ATP11C: variants seen among roughly 807,000 people sequenced by gnomAD.
The protein encoded by ATP11C is phospholipid-transporting ATPase IG.
Under a neutral mutation model 97.4 loss-of-function variants are expected in ATP11C, and 36 were observed. The ratio of observed to expected loss-of-function variants is 0.37; its 90% confidence interval spans 0.28 to 0.49. ATP11C has a LOEUF of 0.49. ATP11C is among the 20% of genes least tolerant of loss of function. The pLI is 0.98. For missense variants in ATP11C, 730 were observed against 824.6 expected (o/e 0.89, Z 1.40); for synonymous variants, 275 against 290.9 (o/e 0.95, Z 0.56).
chrX:139,747,349 G>C (rs1286645958), intron 24 of ATP11C, among the ~76,000 whole-genome samples: 1 of 111,578 alleles, frequency 9.0e-6, no homozygotes, highest in African/African-American at 3.3e-5. Context: ...GGAGCAGCAT[G>C]ATATGTTGAA....
chrX:139,871,661 C>T (rs1055146168), intron 1 of ATP11C, among the ~76,000 whole-genome samples: 6 of 108,201 alleles, frequency 5.5e-5, no homozygotes, highest in Non-Finnish European at 9.5e-5. Context: ...GCTGGAACTA[C>T]ACGTGTGTGC....
chrX:139,836,610 G>A (rs1468305103), intron 1 of ATP11C, among the ~76,000 whole-genome samples: 1 of 111,586 alleles, frequency 9.0e-6, no homozygotes, highest in Non-Finnish European at 1.9e-5. Context: ...CCAGGGAAAG[G>A]TTCATGTGCT....
chrX:139,787,120 A>C, intron 15 of ATP11C, 53 bp downstream of exon 15: 1 of 1,201,811 alleles, frequency 8.3e-7, no homozygotes, highest in South Asian at 1.8e-5. Context: ...GAATCCACTT[A>C]AATTTGACTA....
At chrX:139,877,739 C>T (rs970371669) in intron 1 of ATP11C, among the ~76,000 whole-genome samples, 12 of 112,341 alleles carry the variant, frequency 1.1e-4, no homozygotes, top group Non-Finnish European at 1.9e-4. Flanking sequence ...TGGTAAAAAA[C>T]GGCCAAGCCC....
chrX:139,900,974 A>G (rs1156332975), intron 1 of ATP11C, among the ~76,000 whole-genome samples: 1 of 112,019 alleles, frequency 8.9e-6, no homozygotes, highest in East Asian at 2.8e-4. Context: ...GTGAATGGAC[A>G]CCATCCTGTT....
intron 29 of ATP11C, among the ~76,000 whole-genome samples, chrX:139,730,607 GA>G: frequency 9.0e-6 from 1 of 110,780 alleles, no homozygotes; most frequent in Non-Finnish European, 1.9e-5. Flanking sequence ...GACAGCTGTT[GA>G]AAAAAATGGG....
At chrX:139,745,217 A>G (rs12689199) in intron 25 of ATP11C, among the ~76,000 whole-genome samples, 2,844 of 111,277 alleles carry the variant, frequency 0.026, 98 homozygotes, top group East Asian at 0.16. Context: ...TGTTCTGGGA[A>G]GACACTGGCA....
chrX:139,828,244 G>A (rs376791471), intron 1 of ATP11C, among the ~76,000 whole-genome samples: 3 of 111,755 alleles, frequency 2.7e-5, no homozygotes, highest in African/African-American at 6.5e-5. Context: ...AAGGTCCTTC[G>A]CATGCTAAGA....
rs181531253 is a variant in ATP11C, at chrX:139,922,725, G to A, written c.27+9291C>T. On this transcript the variant is annotated intron_variant, in intron 1 of 29. Transcript: ENST00000682941. Reference sequence around the variant, plus strand: ...CCTGATCTTGGACTTCCAAGTTCCAGGATTGTGAGAAATAAATTTCTGTTG... The same window carrying A: ...CCTGATCTTGGACTTCCAAGTTCCAAGATTGTGAGAAATAAATTTCTGTTG... Among the ~76,000 whole-genome samples the A allele has an allele frequency of 3.6e-5, 4 of 111,755 alleles. No homozygotes were observed. In the Admixed American group the frequency reaches 3.8e-4, roughly 11 times the overall value.
At chrX:139,842,672 T>A (rs2083852423) in intron 1 of ATP11C, among the ~76,000 whole-genome samples, 1 of 112,311 alleles carries the variant, frequency 8.9e-6, no homozygotes, top group Non-Finnish European at 1.9e-5. Flanking sequence ...TGACTGGGGC[T>A]GCGTAGAGTT....
chrX:139,826,562 C>T, intron 2 of ATP11C, 142 bp downstream of exon 2: 1 of 394,766 alleles, frequency 2.5e-6, no homozygotes, highest in South Asian at 6.4e-5. Flanking sequence ...CAGAGGAATA[C>T]TTATTATAGC....
At chrX:139,738,154 T>C in intron 27 of ATP11C, 85 bp from the exon 28 acceptor site, 1 of 819,800 alleles carries the variant, frequency 1.2e-6, no homozygotes, top group African/African-American at 2.1e-5. Flanking sequence ...GTCGTTTGTA[T>C]TTAAAAAGAA....
rs762433068 is a variant in ATP11C, at chrX:139,796,201, G to C, written c.1206+72C>G. On this transcript the variant is annotated intron_variant, in intron 12 of 29. Coordinates refer to ENST00000682941, the MANE Select transcript of ATP11C (RefSeq NM_001353812.2). Reference sequence around the variant, plus strand: ...CAAATGTGACATGGTCACATATATTGGTAATCCAGACTACACAAAAAGATA... The same window carrying C: ...CAAATGTGACATGGTCACATATATTCGTAATCCAGACTACACAAAAAGATA... 6 of 807,203 alleles carry C rather than the reference G, an allele frequency of 7.4e-6. No individual in the cohort carries two copies. In the East Asian group the frequency reaches 2.1e-4, roughly 28 times the overall value. 66.5% of individuals were successfully genotyped at this position (807,203 alleles called of 1,213,427 possible).
At chrX:139,878,776 A>G (rs1021506949) in intron 1 of ATP11C, among the ~76,000 whole-genome samples, 8 of 110,045 alleles carry the variant, frequency 7.3e-5, no homozygotes, top group Non-Finnish European at 1.1e-4. Flanking sequence ...CGGCAGCTTC[A>G]GAAAGGGAAC....
intron 18 of ATP11C, among the ~76,000 whole-genome samples, chrX:139,782,016 ATGAATT>A (rs1263118341): frequency 3.6e-5 from 4 of 111,759 alleles, no homozygotes; most frequent in African/African-American, 1.3e-4. Context: ...TCTAGGTTAC[ATGAATT>A]TACCTTAAAA....
chrX:139,909,424 C>T (rs943137594), intron 1 of ATP11C, among the ~76,000 whole-genome samples: 7 of 111,138 alleles, frequency 6.3e-5, no homozygotes, highest in African/African-American at 2.3e-4. Context: ...TGAGTTATTG[C>T]GCCCGGCCCA....
Position 139,750,159 on chromosome X carries a change from T to C in ATP11C, c.2701-7A>G. 8.6e-7 allele frequency: 1 copy of C among 1,168,156 alleles called. No individual in the cohort carries two copies. On this transcript the variant is annotated splice_region_variant and splice_polypyrimidine_tract_variant and intron_variant, in intron 23 of 29. Coordinates refer to ENST00000682941, the MANE Select transcript of ATP11C (RefSeq NM_001353812.2). ...AAGCAGCATCATACAGTGGCTAAAATGAAAAACAACAGAGGAAAGAAAGAA... is the reference window on the plus strand; with the variant it reads ...AAGCAGCATCATACAGTGGCTAAAACGAAAAACAACAGAGGAAAGAAAGAA...
intron 1 of ATP11C, among the ~76,000 whole-genome samples, chrX:139,903,256 C>T (rs1368143663): frequency 1.8e-5 from 2 of 111,662 alleles, no homozygotes. Context: ...CTCATAACTT[C>T]CATAGCCCTT....
intron 12 of ATP11C, among the ~76,000 whole-genome samples, chrX:139,793,078 T>C (rs975794801): frequency 9.0e-6 from 1 of 111,294 alleles, no homozygotes; most frequent in Admixed American, 9.5e-5. Flanking sequence ...GTAGACAGAA[T>C]TGAACTAGAG....
Sources: gnomAD v4.1 joint callset for allele counts (sites outside exome capture counted in the v4.1 genomes callset) on GRCh38, gnomAD v4.1.1 for gene constraint, MANE v1.5 for transcripts, NCBI Gene and HGNC (gene_info 2026-07-23, HGNC 2026-07-21) for gene names.